The following ARHGAP15 variants were observed in gnomAD, a reference collection of about 807,000 sequenced individuals.
ARHGAP15 encodes the protein rho GTPase-activating protein 15.
In ARHGAP15, 51 loss-of-function variants were observed where a neutral mutation model predicts 63.7. The observed-to-expected ratio is 0.80, with a 90% CI of 0.64 to 1.01. The LOEUF (loss-of-function observed/expected upper bound fraction) is 1.01. ARHGAP15 is among the 50% of genes least tolerant of loss of function. The probability of loss-of-function intolerance (pLI) is 0.00; values close to 1 mark genes in which losing one functional copy is unlikely to be tolerated. For synonymous variants in ARHGAP15, 191 were observed against 193.8 expected (o/e 0.99, Z 0.12); for missense variants, 560 against 564.6 (o/e 0.99, Z 0.08).
At chr2:143,534,910 A>AG (rs1694684692) in intron 10 of ARHGAP15, among the ~76,000 whole-genome samples, 1 of 151,872 alleles carries the variant, frequency 6.6e-6, no homozygotes, top group Admixed American at 6.6e-5. Flanking sequence ...AAACAAAAAA[A>AG]CCTATATGAA....
chr2:143,654,387 G>GA (rs1201427271), intron 12 of ARHGAP15, among the ~76,000 whole-genome samples: 1 of 152,110 alleles, frequency 6.6e-6, no homozygotes, highest in Non-Finnish European at 1.5e-5. Flanking sequence ...AAGGAGTTGA[G>GA]AAAAGCATAA....
At chr2:143,393,363 T>C (rs1169839921) in intron 6 of ARHGAP15, among the ~76,000 whole-genome samples, 2 of 152,328 alleles carry the variant, frequency 1.3e-5, no homozygotes, top group East Asian at 3.9e-4. Flanking sequence ...ATGCTAGTTA[T>C]CCATAATTTA....
intron 10 of ARHGAP15, among the ~76,000 whole-genome samples, chr2:143,524,657 T>C (rs1031397759): frequency 6.6e-6 from 1 of 152,176 alleles, no homozygotes; most frequent in Non-Finnish European, 1.5e-5. Flanking sequence ...AATATGAAAT[T>C]AACAAGCCTG....
chr2:143,487,945 G>A (rs1692401679), intron 9 of ARHGAP15, among the ~76,000 whole-genome samples: 1 of 152,154 alleles, frequency 6.6e-6, no homozygotes, highest in Admixed American at 6.5e-5. Context: ...GTAAGTGCTA[G>A]GAAGAAAGTC....
At chr2:143,370,887 G>A (rs1288725217) in intron 6 of ARHGAP15, among the ~76,000 whole-genome samples, 1 of 152,022 alleles carries the variant, frequency 6.6e-6, no homozygotes, top group Non-Finnish European at 1.5e-5. Context: ...TTTTTTCCAT[G>A]TTTCAAATGA....
rs376391578 is a variant in ARHGAP15, at chr2:143,346,999, T to A, written c.475-88602T>A. Among the ~76,000 whole-genome samples, 9 of 152,216 alleles carry A rather than the reference T, an allele frequency of 5.9e-5. 1 individual carries two copies. Among genetic ancestry groups the A allele is most frequent in the Admixed American group, 3.9e-4 (6 of 15,262 alleles). ...TATTATCCCTTTGGTCTGTTTATCA[T>A]GGAAACTGATGTACAAATCGAGAGG... On this transcript the variant is annotated intron_variant, in intron 6 of 13. Coordinates refer to ENST00000295095, the MANE Select transcript of ARHGAP15 (RefSeq NM_018460.4).
intron 6 of ARHGAP15, among the ~76,000 whole-genome samples, chr2:143,265,864 G>A (rs1186870545): frequency 6.6e-6 from 1 of 152,016 alleles, no homozygotes; most frequent in African/African-American, 2.4e-5. Context: ...CGCTAAGTCT[G>A]TTCTGTCTTG....
At chr2:143,204,908 C>G (rs12994310) in intron 3 of ARHGAP15, among the ~76,000 whole-genome samples, 4,497 of 151,902 alleles carry the variant, frequency 0.03, 96 homozygotes, top group Middle Eastern at 0.11. Flanking sequence ...CTAATATCAC[C>G]TTTTTAAATA....
chr2:143,160,416 A>G (rs954664484), intron 2 of ARHGAP15, among the ~76,000 whole-genome samples: 1 of 151,946 alleles, frequency 6.6e-6, no homozygotes, highest in East Asian at 1.9e-4. Context: ...CAGTGGAGTG[A>G]GACTCTCCAA....
chr2:143,235,256 T>A (rs1007436723), intron 5 of ARHGAP15, among the ~76,000 whole-genome samples: 3 of 151,928 alleles, frequency 2.0e-5, no homozygotes, highest in Non-Finnish European at 4.4e-5. Context: ...TTTTTTTTTT[T>A]TCCACTGAGA....
chr2:143,680,021 T>TA lies in ARHGAP15; in HGVS notation c.1139-23368dup, dbSNP rs55927433. On this transcript the variant is annotated intron_variant, in intron 12 of 13. Coordinates refer to ENST00000295095, the MANE Select transcript of ARHGAP15 (RefSeq NM_018460.4). ...TGTTTCTGGTCCATAAGTAAATGAT[T>TA]AAAAAAAAAAAAAAAAAAAAAAAAA... Among the ~76,000 whole-genome samples the TA allele has an allele frequency of 6.6e-3, 671 of 101,554 alleles. 15 individuals are homozygous for TA. Among genetic ancestry groups the TA allele is most frequent in the African/African-American group, 0.026 (586 of 22,244 alleles). 66.6% of individuals were successfully genotyped at this position (101,554 alleles called of 152,430 possible).
At chr2:143,329,700 C>T (rs1373069902) in intron 6 of ARHGAP15, among the ~76,000 whole-genome samples, 1 of 152,034 alleles carries the variant, frequency 6.6e-6, no homozygotes, top group African/African-American at 2.4e-5. Flanking sequence ...AAGTTATATC[C>T]AATGCACTAT....
At chr2:143,761,114 G>A (rs1686746151) in intron 13 of ARHGAP15, among the ~76,000 whole-genome samples, 1 of 151,656 alleles carries the variant, frequency 6.6e-6, no homozygotes, top group African/African-American at 2.4e-5. Context: ...TACAGTTTGT[G>A]CAAATTGAGG....
intron 6 of ARHGAP15, among the ~76,000 whole-genome samples, chr2:143,310,148 C>T (rs13403353): frequency 0.12 from 18,763 of 151,880 alleles, 2,014 homozygotes; most frequent in African/African-American, 0.29. Flanking sequence ...GATAAAATCA[C>T]GCAAACATAA....
chr2:143,144,001 G>C (rs1035402547), intron 1 of ARHGAP15, among the ~76,000 whole-genome samples: 1 of 151,996 alleles, frequency 6.6e-6, no homozygotes, highest in Non-Finnish European at 1.5e-5. Flanking sequence ...CCACTTATAA[G>C]TGAGAACATG....
intron 6 of ARHGAP15, among the ~76,000 whole-genome samples, chr2:143,429,670 G>A (rs944009666): frequency 5.9e-5 from 9 of 152,010 alleles, no homozygotes; most frequent in African/African-American, 2.2e-4. Context: ...GTTAACATAG[G>A]GGGAGTTGTG....
intron 6 of ARHGAP15, among the ~76,000 whole-genome samples, chr2:143,408,003 A>ATATATATATATATATATATATATATC (rs1688279421): frequency 1.4e-5 from 1 of 73,018 alleles, no homozygotes. Context: ...ATATATATAT[A>ATATATATATATATATATATATATATC]TATATATATA....
intron 2 of ARHGAP15, among the ~76,000 whole-genome samples, chr2:143,201,638 G>C (rs1001654601): frequency 6.6e-6 from 1 of 152,106 alleles, no homozygotes; most frequent in Non-Finnish European, 1.5e-5. Context: ...GATGCTGGCT[G>C]TCTGCTGGAA....
At chr2:143,439,719 G>A (rs1421646714) in intron 8 of ARHGAP15, among the ~76,000 whole-genome samples, 1 of 151,952 alleles carries the variant, frequency 6.6e-6, no homozygotes, top group African/African-American at 2.4e-5. Context: ...ACAAGTTATG[G>A]AGACATGTTT....
Sources: gnomAD v4.1 joint callset for allele counts (sites outside exome capture counted in the v4.1 genomes callset) on GRCh38, gnomAD v4.1.1 for gene constraint, MANE v1.5 for transcripts, NCBI Gene and HGNC (gene_info 2026-07-23, HGNC 2026-07-21) for gene names.